The following RPIA variants were observed in gnomAD, a reference collection of about 807,000 sequenced individuals.
The protein encoded by RPIA is ribose 5-phosphate isomerase A, also known as ribose-5-phosphate isomerase.
A neutral mutation model predicts 37.8 loss-of-function variants in RPIA; 29 were observed. That is an observed-to-expected ratio of 0.77 (90% confidence interval 0.57 to 1.05). RPIA has a LOEUF of 1.05. Among genes scored for constraint, RPIA ranks in the 50% least tolerant of loss-of-function variants. The probability of loss-of-function intolerance (pLI) is 0.00; values close to 1 mark genes in which losing one functional copy is unlikely to be tolerated. For missense variants in RPIA, 385 were observed against 413.6 expected (o/e 0.93, Z 0.60); for synonymous variants, 167 against 157.0 (o/e 1.06, Z -0.48).
At chr2:88,728,950 T>C (rs1018496632) in intron 3 of RPIA, among the ~76,000 whole-genome samples, 3 of 152,238 alleles carry the variant, frequency 2.0e-5, no homozygotes, top group South Asian at 4.1e-4. Flanking sequence ...TTTGGTTCTA[T>C]GTTAGGAATT....
chr2:88,701,623 T>TTG (rs372994297), intron 3 of RPIA, among the ~76,000 whole-genome samples: 147,527 of 149,450 alleles, frequency 0.99, 72,825 homozygotes, highest in East Asian at 1. Flanking sequence ...GATTGGATAT[T>TTG]CTAACAGCCA....
intron 3 of RPIA, among the ~76,000 whole-genome samples, chr2:88,711,349 T>C (rs1672960335): frequency 1.3e-5 from 2 of 152,204 alleles, no homozygotes; most frequent in Admixed American, 6.5e-5. Flanking sequence ...TTTGGATCAG[T>C]CTAGAAAGGT....
chr2:88,732,857 C>T (rs1673263583), intron 4 of RPIA, among the ~76,000 whole-genome samples: 1 of 152,082 alleles, frequency 6.6e-6, no homozygotes, highest in African/African-American at 2.4e-5. Flanking sequence ...CATCACAAAC[C>T]CTACCTGGCA....
intron 3 of RPIA, among the ~76,000 whole-genome samples, chr2:88,701,591 C>T (rs1264780723): frequency 0.011 from 2 of 176 alleles, no homozygotes; most frequent in Non-Finnish European, 0.011. Flanking sequence ...TTTACATGGA[C>T]ATACTTTTAG....
At chr2:88,707,323 T>G (rs987533549) in intron 3 of RPIA, among the ~76,000 whole-genome samples, 2 of 152,160 alleles carry the variant, frequency 1.3e-5, no homozygotes, top group African/African-American at 4.8e-5. Flanking sequence ...TTTGTCGTTG[T>G]TAAATACACT....
chr2:88,721,848 A>T (rs1261282434), intron 3 of RPIA, among the ~76,000 whole-genome samples: 1 of 151,404 alleles, frequency 6.6e-6, no homozygotes, highest in Non-Finnish European at 1.5e-5. Flanking sequence ...TAGATCCCTT[A>T]AGAAATCAAT....
chr2:88,717,025 C>G (rs1369379255), intron 3 of RPIA, among the ~76,000 whole-genome samples: 2 of 152,188 alleles, frequency 1.3e-5, no homozygotes, highest in Non-Finnish European at 2.9e-5. Context: ...AGAAACCCAG[C>G]AAGACCCTCG....
rs1332762489 is a variant in RPIA at position 88,691,896 on chromosome 2, C to T, written c.198C>T (p.Asn66=). ...CAAGCACCAGCTGCGGGGACTCCAA[C>T]AGCATCTGCCCGGCCCCCTCCACGA... The part of the protein sequence containing the change: ...GNTSTSCGDS[N]SICPAPSTMS... Residue 66 remains asparagine (N), a synonymous_variant, in exon 1 of 9, where the codon AAC becomes AAT. Transcript: ENST00000283646. The T allele has an allele frequency of 1.3e-6, 2 of 1,595,844 alleles. No homozygotes were observed. The highest frequency in any genetic ancestry group is 1.7e-6 in the Non-Finnish European group (2 of 1,172,416).
At position 88,691,713 on chromosome 2, in the gene RPIA, G is replaced by A. The variant is rs1448633255; in HGVS notation, c.15G>A (p.Gly5=). MQRP[G]PFSTLYGRVL... ...GAGGCGTCGGGATGCAGCGCCCCGG[G>A]CCCTTCAGCACCCTCTACGGGCGGG... Residue 5 remains glycine, a synonymous_variant, in exon 1 of 9, where the codon GGG becomes GGA. Coordinates refer to ENST00000283646, the MANE Select transcript of RPIA (RefSeq NM_144563.3). The A allele has an allele frequency of 1.9e-6, 3 of 1,580,374 alleles. No homozygotes were observed. The highest frequency in any genetic ancestry group is 1.1e-5 in the South Asian group (1 of 88,126).
intron 7 of RPIA, among the ~76,000 whole-genome samples, chr2:88,737,757 T>C (rs1302852010): frequency 2.6e-5 from 4 of 151,920 alleles, no homozygotes; most frequent in African/African-American, 7.3e-5. Context: ...GTTAAGAGGC[T>C]TGTATCCTCT....
chr2:88,738,851 G>T (rs59116178), intron 8 of RPIA, among the ~76,000 whole-genome samples: 16,029 of 152,174 alleles, frequency 0.11, 934 homozygotes, highest in African/African-American at 0.15. Flanking sequence ...TAAGCCATTT[G>T]CCCAAAGACA....
At chr2:88,746,275 T>A (rs1673436515) in intron 8 of RPIA, among the ~76,000 whole-genome samples, 1 of 152,226 alleles carries the variant, frequency 6.6e-6, no homozygotes, top group African/African-American at 2.4e-5. Context: ...CAGAGATTTC[T>A]TCTTGGTTTG....
At chr2:88,719,062 T>C (rs534491946) in intron 3 of RPIA, among the ~76,000 whole-genome samples, 4 of 152,136 alleles carry the variant, frequency 2.6e-5, no homozygotes, top group Non-Finnish European at 5.9e-5. Flanking sequence ...TTTATTCTGA[T>C]GTTACAATCT....
intron 1 of RPIA, 26 bp from the exon 2 acceptor site, chr2:88,698,458 G>T (rs1344649308): frequency 7.5e-6 from 12 of 1,609,616 alleles, no homozygotes; most frequent in Admixed American, 6.7e-5. Context: ...AATAAGTTTT[G>T]TTTTTTCTTC....
At chr2:88,735,580 T>A in intron 5 of RPIA, 89 bp from the exon 6 acceptor site, 2 of 1,141,190 alleles carry the variant, frequency 1.8e-6, no homozygotes, top group South Asian at 2.5e-5. Context: ...GTGCCAGGAT[T>A]GAGTGGATTT....
chr2:88,714,163 T>TTTTG (rs201805836), intron 3 of RPIA, among the ~76,000 whole-genome samples: 18 of 151,664 alleles, frequency 1.2e-4, no homozygotes, highest in South Asian at 6.2e-4. Flanking sequence ...TTTTTTGTTT[T>TTTTG]TTTGTTTGTT....
chr2:88,710,884 G>A (rs534497936), intron 3 of RPIA, among the ~76,000 whole-genome samples: 1 of 152,308 alleles, frequency 6.6e-6, no homozygotes, highest in East Asian at 1.9e-4. Context: ...TTACCCCTGA[G>A]GTGGTCTGCT....
intron 1 of RPIA, among the ~76,000 whole-genome samples, chr2:88,695,155 A>C: frequency 6.6e-6 from 1 of 152,164 alleles, no homozygotes; most frequent in South Asian, 2.1e-4. Flanking sequence ...CATATCCTTC[A>C]TCATAGCCTT....
intron 1 of RPIA, among the ~76,000 whole-genome samples, chr2:88,693,049 A>T (rs1298076302): frequency 6.6e-6 from 1 of 152,206 alleles, no homozygotes; most frequent in Non-Finnish European, 1.5e-5. Flanking sequence ...GGGGATTAAC[A>T]GAGATAATGT....
Sources: gnomAD v4.1 joint callset for allele counts (sites outside exome capture counted in the v4.1 genomes callset) on GRCh38, gnomAD v4.1.1 for gene constraint, MANE v1.5 for transcripts, NCBI Gene and HGNC (gene_info 2026-07-23, HGNC 2026-07-21) for gene names.